EYA2: variants seen among roughly 807,000 people sequenced by gnomAD.
EYA2 encodes the protein protein phosphatase EYA2.
A neutral mutation model predicts 69.2 loss-of-function variants in EYA2; 31 were observed. The observed-to-expected ratio is 0.45, with a 90% confidence interval of 0.34 to 0.60. The LOEUF is 0.60. Ranked by LOEUF, EYA2 falls within the 20% of genes least tolerant of loss-of-function variation. The pLI, the probability that EYA2 is intolerant of heterozygous loss-of-function variation, is 0.02. For missense variants in EYA2, 622 were observed against 701.2 expected, an observed-to-expected ratio of 0.89 and a Z score of 1.28; for synonymous variants, 257 against 279.4, an observed-to-expected ratio of 0.92 and a Z score of 0.80.
At chr20:46,987,351 T>C (rs1288484268) in intron 1 of EYA2, among the ~76,000 whole-genome samples, 1 of 152,196 alleles carries the variant, frequency 6.6e-6, no homozygotes, top group African/African-American at 2.4e-5. Flanking sequence ...TTTAAAAATG[T>C]GAAAGCCGTT....
At chr20:46,905,038 T>C (rs911687865) in intron 1 of EYA2, among the ~76,000 whole-genome samples, 1 of 152,064 alleles carries the variant, frequency 6.6e-6, no homozygotes, top group African/African-American at 2.4e-5. Flanking sequence ...TCTGGGACTT[T>C]GAAAAATTAA....
intron 1 of EYA2, among the ~76,000 whole-genome samples, chr20:46,923,903 T>G (rs1985291649): frequency 6.6e-6 from 1 of 152,232 alleles, no homozygotes; most frequent in Admixed American, 6.5e-5. Flanking sequence ...AAATCTCATT[T>G]TGCTAACTTT....
intron 4 of EYA2, 105 bp from the exon 5 acceptor site, chr20:47,016,076 G>A (rs1380326833): frequency 8.4e-6 from 7 of 836,454 alleles, no homozygotes; most frequent in Admixed American, 1.8e-5. Flanking sequence ...TTTGGAAGCT[G>A]ATAAAATTGC....
intron 7 of EYA2, among the ~76,000 whole-genome samples, chr20:47,075,815 A>C (rs780232029): frequency 5.9e-5 from 9 of 152,166 alleles, no homozygotes; most frequent in Non-Finnish European, 1.3e-4. Context: ...TAATCAGCAC[A>C]ATACCCACTA....
chr20:47,137,782 T>C (rs1057301955), intron 9 of EYA2, among the ~76,000 whole-genome samples: 2 of 152,234 alleles, frequency 1.3e-5, no homozygotes, highest in Non-Finnish European at 2.9e-5. Flanking sequence ...TGGAAAAACA[T>C]TTCCTACTTG....
chr20:46,913,729 A>G (rs1042566940), intron 1 of EYA2, among the ~76,000 whole-genome samples: 23 of 152,132 alleles, frequency 1.5e-4, no homozygotes, highest in African/African-American at 5.6e-4. Context: ...GAGGAGTCCA[A>G]GGTGACTCCA....
At chr20:46,921,225 G>A (rs1270219981) in intron 1 of EYA2, among the ~76,000 whole-genome samples, 1 of 152,254 alleles carries the variant, frequency 6.6e-6, no homozygotes, top group Non-Finnish European at 1.5e-5. Context: ...AGAGAGCTTG[G>A]AGCCTCGTAG....
At chr20:46,958,692 C>T (rs2146285092) in intron 1 of EYA2, among the ~76,000 whole-genome samples, 1 of 152,294 alleles carries the variant, frequency 6.6e-6, no homozygotes, top group South Asian at 2.1e-4. Context: ...CTCCCACCTC[C>T]CACCACCACC....
At chr20:47,020,826 G>A (rs1330066433) in intron 5 of EYA2, among the ~76,000 whole-genome samples, 3 of 152,162 alleles carry the variant, frequency 2.0e-5, no homozygotes, top group Admixed American at 6.5e-5. Context: ...TGATTCATGG[G>A]CACCACAGAT....
intron 1 of EYA2, among the ~76,000 whole-genome samples, chr20:46,942,732 G>A (rs1029453266): frequency 3.9e-5 from 6 of 152,128 alleles, no homozygotes; most frequent in African/African-American, 1.4e-4. Context: ...TGACAGACCT[G>A]CCTCATTGGG....
chr20:47,045,850 A>T (rs1170036519), intron 5 of EYA2, among the ~76,000 whole-genome samples: 1 of 151,598 alleles, frequency 6.6e-6, no homozygotes, highest in South Asian at 2.1e-4. Context: ...GTAGCGGTTT[A>T]TTTCTCTCTT....
At chr20:46,936,835 G>A (rs4380303) in intron 1 of EYA2, among the ~76,000 whole-genome samples, 1,832 of 152,154 alleles carry the variant, frequency 0.012, 43 homozygotes, top group African/African-American at 0.042. Flanking sequence ...TTAGTTTTGC[G>A]ATTCGGGGAT....
intron 8 of EYA2, among the ~76,000 whole-genome samples, chr20:47,093,580 G>A (rs917852639): frequency 8.5e-5 from 13 of 152,192 alleles, no homozygotes; most frequent in South Asian, 4.1e-4. Context: ...GGGCACCAGC[G>A]CAAGCTGTGC....
chr20:47,117,494 C>G, intron 9 of EYA2: 2 of 985,422 alleles, frequency 2.0e-6, no homozygotes, highest in Non-Finnish European at 2.4e-6. Flanking sequence ...CCACCACAGT[C>G]CTCCCCGATT....
At chr20:46,967,099 T>G (rs1046794538) in intron 1 of EYA2, among the ~76,000 whole-genome samples, 5 of 152,178 alleles carry the variant, frequency 3.3e-5, no homozygotes, top group Non-Finnish European at 7.3e-5. Context: ...GTTCAAGTGA[T>G]TCTCGTGCCT....
intron 7 of EYA2, among the ~76,000 whole-genome samples, chr20:47,078,343 A>G (rs1261566549): frequency 2.7e-5 from 4 of 150,856 alleles, no homozygotes; most frequent in Non-Finnish European, 5.9e-5. Flanking sequence ...ACACACACAC[A>G]CACACACACA....
chr20:47,024,715 A>G (rs953639718), intron 5 of EYA2, among the ~76,000 whole-genome samples: 3 of 152,206 alleles, frequency 2.0e-5, no homozygotes, highest in East Asian at 1.9e-4. Flanking sequence ...TCCTGGGGCA[A>G]TCATACAGCT....
chr20:46,984,995 T>G (rs1296840527), intron 1 of EYA2, among the ~76,000 whole-genome samples: 2 of 152,228 alleles, frequency 1.3e-5, no homozygotes, highest in Non-Finnish European at 2.9e-5. Context: ...ATAAACAGCC[T>G]TCTAAACAGA....
At chr20:46,986,802 T>C (rs1981253782) in intron 1 of EYA2, among the ~76,000 whole-genome samples, 1 of 152,064 alleles carries the variant, frequency 6.6e-6, no homozygotes, top group African/African-American at 2.4e-5. Context: ...ACTCATACCA[T>C]GGAGAGGACA....
Sources: allele counts gnomAD v4.1 joint callset (sites outside exome capture counted in the v4.1 genomes callset), GRCh38; gene constraint gnomAD v4.1.1; transcripts MANE v1.5; gene names NCBI Gene and HGNC (gene_info 2026-07-23, HGNC 2026-07-21).